EPHA5: variants seen among roughly 807,000 people sequenced by gnomAD.
The protein encoded by EPHA5 is ephrin type-A receptor 5.
Under a neutral mutation model 105.0 loss-of-function variants are expected in EPHA5, and 60 were observed. The ratio of observed to expected loss-of-function variants is 0.57; its 90% CI spans 0.46 to 0.71. The LOEUF is 0.71. Ranked by LOEUF, EPHA5 falls within the 30% of genes least tolerant of loss-of-function variation. The pLI is 0.00. For synonymous variants in EPHA5, 513 were observed against 449.1 expected, an observed-to-expected ratio of 1.14 and a Z score of -1.80; for missense variants, 1,218 against 1,274.7, an observed-to-expected ratio of 0.96 and a Z score of 0.68.
intron 16 of EPHA5, among the ~76,000 whole-genome samples, chr4:65,326,778 G>C (rs1189374433): frequency 6.6e-6 from 1 of 151,280 alleles, no homozygotes; most frequent in East Asian, 1.9e-4. Flanking sequence ...AAATATGGTT[G>C]TAATAATATA....
At chr4:65,522,316 G>GTGTGTGTATATATATATATATA (rs777066757) in intron 3 of EPHA5, among the ~76,000 whole-genome samples, 47 of 142,872 alleles carry the variant, frequency 3.3e-4, no homozygotes, top group African/African-American at 1.3e-3. Flanking sequence ...ATATATATAT[G>GTGTGTGTATATATATATATATA]TATATATATA....
At chr4:65,416,895 T>C (rs1380248519) in intron 6 of EPHA5, among the ~76,000 whole-genome samples, 1 of 152,212 alleles carries the variant, frequency 6.6e-6, no homozygotes, top group African/African-American at 2.4e-5. Context: ...ACTCTCATAT[T>C]GTAATTTTCT....
intron 5 of EPHA5, among the ~76,000 whole-genome samples, chr4:65,459,764 G>C (rs2149127760): frequency 6.6e-6 from 1 of 151,822 alleles, no homozygotes; most frequent in East Asian, 1.9e-4. Flanking sequence ...TCTTTTGTTA[G>C]AATGGAAATG....
Position 65,439,426 on chromosome 4 carries a change from A to AC in EPHA5, c.1403-18862dup, listed in dbSNP as rs1223826607. On this transcript the variant is annotated intron_variant, in intron 5 of 16. Coordinates refer to ENST00000613740, the MANE Select transcript of EPHA5 (RefSeq NM_001281766.3). ...TTTTGTTCCGCTGTTCCACATCTCC[A>AC]CCCCCACACCACCCCCCGCTGCCCC... Among the ~76,000 whole-genome samples the AC allele has an allele frequency of 1.8e-4, 27 of 146,892 alleles. No homozygotes were observed. The South Asian group carries it at 2.4e-3, about 13-fold the overall frequency.
intron 14 of EPHA5, among the ~76,000 whole-genome samples, chr4:65,338,756 CT>C (rs904300193): frequency 3.3e-5 from 5 of 151,712 alleles, no homozygotes; most frequent in East Asian, 1.9e-4. Flanking sequence ...TAGAAGTTTC[CT>C]TTTTTTTCCA....
At chr4:65,356,717 A>T (rs576156515) in intron 11 of EPHA5, among the ~76,000 whole-genome samples, 1 of 151,704 alleles carries the variant, frequency 6.6e-6, no homozygotes, top group Non-Finnish European at 1.5e-5. Flanking sequence ...TCTTTTGTTG[A>T]CAAGAATAAG....
chr4:65,442,251 T>C (rs557171131), intron 5 of EPHA5, among the ~76,000 whole-genome samples: 2 of 152,204 alleles, frequency 1.3e-5, no homozygotes, highest in South Asian at 4.2e-4. Flanking sequence ...GGGGCCTCCA[T>C]GAGAAGAGCT....
intron 9 of EPHA5, among the ~76,000 whole-genome samples, chr4:65,366,572 C>T (rs1407696322): frequency 6.6e-6 from 1 of 151,886 alleles, no homozygotes; most frequent in African/African-American, 2.4e-5. Context: ...TTAGACAAGA[C>T]TTACGCTCTG....
chr4:65,410,333 G>A, intron 7 of EPHA5, among the ~76,000 whole-genome samples: 1 of 152,176 alleles, frequency 6.6e-6, no homozygotes, highest in Non-Finnish European at 1.5e-5. Context: ...CGTACTGCAT[G>A]TTTCTATTTA....
At chr4:65,637,265 CA>C (rs1016518250) in intron 2 of EPHA5, among the ~76,000 whole-genome samples, 9 of 105,190 alleles carry the variant, frequency 8.6e-5, no homozygotes, top group East Asian at 2.9e-4. Flanking sequence ...CAGAAACAAA[CA>C]AAAAAAAATG....
chr4:65,624,908 TGCTTAGAACA>T (rs1746001867), intron 2 of EPHA5, among the ~76,000 whole-genome samples: 1 of 152,172 alleles, frequency 6.6e-6, no homozygotes, highest in Non-Finnish European at 1.5e-5. Context: ...GAGATGAGTG[TGCTTAGAACA>T]GCTTATGTCA....
intron 3 of EPHA5, among the ~76,000 whole-genome samples, chr4:65,531,052 A>G (rs572390522): frequency 7.0e-6 from 1 of 142,764 alleles, no homozygotes; most frequent in Admixed American, 7.2e-5. Context: ...TTTTTTTGAG[A>G]CGGAGTCTCG....
At chr4:65,550,749 T>A (rs1331957191) in intron 3 of EPHA5, among the ~76,000 whole-genome samples, 1 of 151,876 alleles carries the variant, frequency 6.6e-6, no homozygotes, top group African/African-American at 2.4e-5. Context: ...GGCAGGAGAA[T>A]CCCTTGAACC....
At chr4:65,656,858 C>A (rs1205548958) in intron 1 of EPHA5, among the ~76,000 whole-genome samples, 2 of 150,758 alleles carry the variant, frequency 1.3e-5, no homozygotes, top group Non-Finnish European at 3.0e-5. Flanking sequence ...AAATTTAATT[C>A]AAAGAACTTT....
intron 9 of EPHA5, among the ~76,000 whole-genome samples, chr4:65,367,001 C>A (rs1008482389): frequency 6.6e-6 from 1 of 151,364 alleles, no homozygotes; most frequent in East Asian, 1.9e-4. Flanking sequence ...ATTTATTTAA[C>A]CTGGTGATGC....
At chr4:65,542,362 A>G (rs1264245185) in intron 3 of EPHA5, among the ~76,000 whole-genome samples, 1 of 151,950 alleles carries the variant, frequency 6.6e-6, no homozygotes, top group Non-Finnish European at 1.5e-5. Flanking sequence ...GAAGAATCAA[A>G]TAGACACAAT....
chr4:65,658,591 T>C (rs949575703), intron 1 of EPHA5, among the ~76,000 whole-genome samples: 1 of 152,112 alleles, frequency 6.6e-6, no homozygotes, highest in Non-Finnish European at 1.5e-5. Flanking sequence ...TACTATATGC[T>C]AGAACTTTTA....
chr4:65,449,431 T>G (rs1208809643), intron 5 of EPHA5, among the ~76,000 whole-genome samples: 1 of 152,134 alleles, frequency 6.6e-6, no homozygotes, highest in Non-Finnish European at 1.5e-5. Flanking sequence ...CAGAATAAAT[T>G]TAATTCTATG....
chr4:65,563,844 G>A (rs1739265949), intron 3 of EPHA5, among the ~76,000 whole-genome samples: 2 of 152,024 alleles, frequency 1.3e-5, no homozygotes, highest in African/African-American at 4.8e-5. Flanking sequence ...AAAGTTGTGG[G>A]AGCTAAATGA....
Sources: gnomAD v4.1 joint callset for allele counts (sites outside exome capture counted in the v4.1 genomes callset) on GRCh38, gnomAD v4.1.1 for gene constraint, MANE v1.5 for transcripts, NCBI Gene and HGNC (gene_info 2026-07-23, HGNC 2026-07-21) for gene names.